Variants in CNKSR1 observed in about 807,000 individuals in gnomAD.
The protein encoded by CNKSR1 is CNK homolog protein 1.
In CNKSR1, 88 loss-of-function variants were observed where a neutral mutation model predicts 95.6. That is an observed-to-expected ratio of 0.92 (90% CI 0.78 to 1.10). The LOEUF is 1.10. CNKSR1 is among the 50% of genes least tolerant of loss of function. The pLI is 0.00. For missense variants in CNKSR1, 836 were observed against 912.0 expected (o/e 0.92, Z 1.07); for synonymous variants, 355 against 369.7 (o/e 0.96, Z 0.46).
Position 26,183,432 on chromosome 1 carries a change from C to A in CNKSR1, c.753+18C>A. On this transcript the variant is annotated intron_variant, in intron 8 of 20. Transcript: ENST00000361530. ...AGGTGGTGGTGCGTGAGGAGAGGGA[C>A]ATGGTAGGAGGTGAAGGGGTCACCG... 1 of 1,613,518 alleles carries A rather than the reference C, an allele frequency of 6.2e-7. No individual in the cohort carries two copies. Among genetic ancestry groups the A allele is most frequent in the South Asian group, 1.1e-5 (1 of 91,050 alleles).
At chr1:26,186,133 G>C (rs1413233215) in intron 14 of CNKSR1, among the ~76,000 whole-genome samples, 1 of 152,206 alleles carries the variant, frequency 6.6e-6, no homozygotes, top group African/African-American at 2.4e-5. Context: ...AGTCCATCCT[G>C]AGGAGTCCAG....
chr1:26,180,293 C>A, intron 1 of CNKSR1, 160 bp from the exon 2 acceptor site: 1 of 851,686 alleles, frequency 1.2e-6, no homozygotes, highest in Non-Finnish European at 1.9e-6. Flanking sequence ...TCCTGCTTCT[C>A]AACTCAGTGG....
At chr1:26,182,210 TAAA>T in intron 4 of CNKSR1, 148 bp from the exon 5 acceptor site, 3 of 821,830 alleles carry the variant, frequency 3.7e-6, no homozygotes, top group Non-Finnish European at 5.9e-6. Flanking sequence ...GCCCTCTGGT[TAAA>T]ACGCTGAGGC....
intron 6 of CNKSR1, 87 bp downstream of exon 6, chr1:26,182,671 CTGTGCTGCCA>C: frequency 8.3e-7 from 1 of 1,203,080 alleles, no homozygotes; most frequent in Non-Finnish European, 1.2e-6. Context: ...CCACAGAACC[CTGTGCTGCCA>C]TGGCTGGAAA....
At chr1:26,189,084 G>GC (rs1285085651) in intron 20 of CNKSR1, 131 bp downstream of exon 20, 1 of 1,309,572 alleles carries the variant, frequency 7.6e-7, no homozygotes, top group African/African-American at 1.5e-5. Flanking sequence ...GGGCTTAGCA[G>GC]CTGACAGCGG....
chr1:26,187,606 T>A (rs2124516015), intron 16 of CNKSR1, 124 bp downstream of exon 16: 3 of 737,292 alleles, frequency 4.1e-6, no homozygotes, highest in Non-Finnish European at 7.0e-6. Context: ...GTCAAGATAC[T>A]CACTTCTCTT....
At chr1:26,186,930 GCT>G in intron 14 of CNKSR1, 1 of 452,880 alleles carries the variant, frequency 2.2e-6, no homozygotes, top group Non-Finnish European at 4.0e-6. Context: ...TTTTTTTTTG[GCT>G]GTTTCTCTGA....
At chr1:26,182,156 G>T in intron 4 of CNKSR1, 1 of 700,206 alleles carries the variant, frequency 1.4e-6, no homozygotes, top group Non-Finnish European at 2.5e-6. Flanking sequence ...AAGGAGGGGA[G>T]GGCACGTGTG....
chr1:26,189,509 CCT>C lies in CNKSR1; in HGVS notation c.2104_2105del (p.Leu702AspfsTer10), dbSNP rs1294480463. The C allele has an allele frequency of 6.3e-7, 1 of 1,595,982 alleles. No individual in the cohort carries two copies. The highest frequency in any genetic ancestry group is 1.3e-5 in the African/African-American group (1 of 74,532). Reference protein sequence around the residue: ...DPEEHSHLCPLTSESSLRPPD... With the variant: ...DPEEHSHLCPXTSESSLRPPD... Reference sequence around the variant, plus strand: ...CTGAAGAGCACTCCCATCTCTGCCCCCTGACCTCAGAGAGCAGCCTCCGACCT... The same window carrying C: ...CTGAAGAGCACTCCCATCTCTGCCCCGACCTCAGAGAGCAGCCTCCGACCT... On this transcript the variant is annotated frameshift_variant, in exon 21 of 21. Coordinates refer to ENST00000361530, the MANE Select transcript of CNKSR1 (RefSeq NM_006314.3). LOFTEE classifies it high-confidence loss of function.
rs145419200 is a variant in CNKSR1, at chr1:26,188,805, G to C, written c.1724G>C (p.Arg575Pro). Residue 575 changes from arginine to proline, a missense_variant, in exon 20 of 21, where the codon CGG (arginine) becomes CCG (proline). Arg to Pro is a moderately radical substitution (Grantham distance 103). Transcript: ENST00000361530. ...GAAGAGGCACTGGAAGGAATGGTAC[G>C]GGGGCTGAGGCAGGGTGGCGTGTCC... ...SSEEALEGMV[R>P]GLRQGGVSLL... 6 of 1,612,506 alleles carry C rather than the reference G, an allele frequency of 3.7e-6. No homozygotes were observed. The African/African-American group carries it at 4.0e-5, about 11-fold the overall frequency.
At chr1:26,181,739 C>G (rs1034275479) in intron 3 of CNKSR1, 118 bp from the exon 4 acceptor site, 1 of 981,860 alleles carries the variant, frequency 1.0e-6, no homozygotes, top group African/African-American at 1.6e-5. Context: ...TTACTCTAAA[C>G]CAAAACCCAT....
intron 1 of CNKSR1, among the ~76,000 whole-genome samples, chr1:26,178,526 C>T (rs946853769): frequency 3.3e-5 from 5 of 152,192 alleles, no homozygotes; most frequent in African/African-American, 7.2e-5. Context: ...ACACACAGTG[C>T]GACCAGGAGC....
rs368328180 is a variant in CNKSR1 at position 26,181,958 on chromosome 1, C to T, written c.477+17C>T. 2.5e-6 allele frequency: 4 copies of T among 1,611,584 alleles called. No homozygotes were observed. The highest frequency in any genetic ancestry group is 3.4e-6 in the Non-Finnish European group (4 of 1,177,974). On this transcript the variant is annotated intron_variant, in intron 4 of 20. Coordinates refer to ENST00000361530, the MANE Select transcript of CNKSR1 (RefSeq NM_006314.3). Reference sequence around the variant, plus strand: ...TTGCATGAGGTAGGAGAACCAAGGGCCAGGCTTGGCCCATGCCCTAGAGAC... The same window carrying T: ...TTGCATGAGGTAGGAGAACCAAGGGTCAGGCTTGGCCCATGCCCTAGAGAC...
chr1:26,187,305 G>A (rs1052235914), intron 15 of CNKSR1, 64 bp downstream of exon 15: 1 of 1,586,450 alleles, frequency 6.3e-7, no homozygotes, highest in Non-Finnish European at 8.7e-7. Context: ...GGGTGATGGG[G>A]TAGCAGTGGG....
Position 26,180,569 on chromosome 1 carries a change from C to T in CNKSR1, c.169C>T (p.Gln57Ter), listed in dbSNP as rs1232187972. 1.2e-6 allele frequency: 2 copies of T among 1,614,090 alleles called. No homozygotes were observed. Among genetic ancestry groups the T allele is most frequent in the African/African-American group, 1.3e-5 (1 of 74,924 alleles). ...TCTGGCTGTGCGGTCTCTGGGACAC[C>T]AGGAGCTCATCCTGGGCGGGGTGGA... ...EALAVRSLGH[Q>*]ELILGGVEQL... The change falls in exon 2 of 21, where the codon CAG (glutamine) becomes TAG (stop). Residue 57 changes from glutamine (Q) to a stop codon, truncating the protein, a stop_gained. Coordinates refer to ENST00000361530, the MANE Select transcript of CNKSR1 (RefSeq NM_006314.3). LOFTEE classifies it high-confidence loss of function.
chr1:26,181,280 C>CAAAAA (rs11392737), intron 3 of CNKSR1, among the ~76,000 whole-genome samples: 10 of 49,126 alleles, frequency 2.0e-4, no homozygotes, highest in East Asian at 5.4e-4. Context: ...GACTCCCTCT[C>CAAAAA]AAAAAAAAAA....
rs201801288 is a variant in CNKSR1, at chr1:26,180,826, C to A, written c.322C>A (p.Pro108Thr). 3 of 1,614,208 alleles carry A rather than the reference C, an allele frequency of 1.9e-6. No individual in the cohort carries two copies. Among genetic ancestry groups the A allele is most frequent in the Non-Finnish European group, 2.5e-6 (3 of 1,180,038 alleles). Residue 108 changes from proline (P) to threonine (T), a missense_variant, in exon 3 of 21, where the codon CCT becomes ACT. Pro to Thr is a conservative substitution (Grantham distance 38, BLOSUM62 -1). Coordinates refer to ENST00000361530, the MANE Select transcript of CNKSR1 (RefSeq NM_006314.3). ...CTGCCTGGGGGACTGTGCCAAGACC[C>A]CTATTGATGTCCTCTGTGCAGCTGT... ...QGCLGDCAKT[P>T]IDVLCAAVEL...
chr1:26,186,987 C>T lies in CNKSR1; in HGVS notation c.1309-181C>T, dbSNP rs765024803. On this transcript the variant is annotated intron_variant, in intron 14 of 20. Coordinates refer to ENST00000361530, the MANE Select transcript of CNKSR1 (RefSeq NM_006314.3). ...CTGGCTTAGAGGCATCCTTTGGCCA[C>T]ATCTCCTACCCTGACCCCAGATTCC... 2.2e-4 allele frequency: 137 copies of T among 619,610 alleles called. 1 individual carries two copies. In the Middle Eastern group the frequency reaches 4.3e-3, roughly 19 times the overall value. The allele number at this position is 619,610 out of a possible 1,614,324, so 38.4% of individuals were successfully genotyped here.
intron 4 of CNKSR1, 80 bp from the exon 5 acceptor site, chr1:26,182,281 C>A: frequency 6.9e-7 from 1 of 1,446,348 alleles, no homozygotes; most frequent in Non-Finnish European, 9.7e-7. Flanking sequence ...TGTACGGAAT[C>A]CCACCCTGCC....
Sources: gnomAD v4.1 joint callset for allele counts (sites outside exome capture counted in the v4.1 genomes callset) on GRCh38, gnomAD v4.1.1 for gene constraint, MANE v1.5 for transcripts, NCBI Gene and HGNC (gene_info 2026-07-23, HGNC 2026-07-21) for gene names.